The following PRSS54 variants were observed in gnomAD, a reference collection of about 807,000 sequenced individuals.
The protein encoded by PRSS54 is serine protease 54.
In PRSS54, 16 loss-of-function variants were observed where a neutral mutation model predicts 19.9. The observed-to-expected ratio is 0.80, with a 90% CI of 0.54 to 1.22. The LOEUF is 1.22. PRSS54 is among the 50% of genes most tolerant of loss of function. The pLI is 0.00. For missense variants in PRSS54, 444 were observed against 494.8 expected (o/e 0.90, Z 0.97); for synonymous variants, 177 against 195.8 (o/e 0.90, Z 0.80).
chr16:58,294,160 T>G lies in PRSS54; in HGVS notation c.-182A>C. ...AGTTGGGTCTCTGAAAAGGGCTGCTTTTTGACTCGTGGAATTCAACCCTTG... is the reference window on the plus strand; with the variant it reads ...AGTTGGGTCTCTGAAAAGGGCTGCTGTTTGACTCGTGGAATTCAACCCTTG... On this transcript the variant is annotated 5_prime_UTR_variant, in exon 2 of 7. Coordinates refer to ENST00000567164, the MANE Select transcript of PRSS54 (RefSeq NM_001305173.2). The G allele has an allele frequency of 3.7e-6, 1 of 273,234 alleles. No individual in the cohort carries two copies. Among genetic ancestry groups the G allele is most frequent in the South Asian group, 5.7e-5 (1 of 17,564 alleles). The allele number at this position is 273,234 out of a possible 1,614,324, so 16.9% of individuals were successfully genotyped here. A position where few individuals can be genotyped will look rare whatever the true frequency, so the allele number is the denominator to read the frequency against.
chr16:58,284,474 A>C, intron 6 of PRSS54, 116 bp downstream of exon 6: 2 of 1,210,316 alleles, frequency 1.7e-6, no homozygotes, highest in Non-Finnish European at 2.4e-6. Flanking sequence ...ACAGCCACTC[A>C]TCCCAAGCCC....
At chr16:58,290,056 G>A (rs114410328) in intron 4 of PRSS54, among the ~76,000 whole-genome samples, 15,331 of 144,914 alleles carry the variant, frequency 0.11, 866 homozygotes, top group Admixed American at 0.13. Context: ...TGTTACATAT[G>A]ATATTGTATA....
chr16:58,292,409 G>C (rs1049401034), intron 3 of PRSS54, among the ~76,000 whole-genome samples: 1 of 152,114 alleles, frequency 6.6e-6, no homozygotes, highest in Non-Finnish European at 1.5e-5. Context: ...GAGGGGTCAC[G>C]AATTCTGCCC....
chr16:58,294,005 G>C lies in PRSS54; in HGVS notation c.-27C>G, dbSNP rs926130047. ...CTGACCTGTCTTATCCCTAGTGCTTGGTTCTGTGTGGTAAAGAGGCAGGAC... is the reference window on the plus strand; with the variant it reads ...CTGACCTGTCTTATCCCTAGTGCTTCGTTCTGTGTGGTAAAGAGGCAGGAC... On this transcript the variant is annotated 5_prime_UTR_variant, in exon 2 of 7. Coordinates refer to ENST00000567164, the MANE Select transcript of PRSS54 (RefSeq NM_001305173.2). 9.9e-6 allele frequency: 6 copies of C among 604,474 alleles called. No individual in the cohort carries two copies. The highest frequency in any genetic ancestry group is 9.3e-5 in the African/African-American group (5 of 54,036). 37.4% of individuals were successfully genotyped at this position (604,474 alleles called of 1,614,324 possible).
In PRSS54 at chr16:58,280,563, C is replaced by T. The variant is rs370815317; in HGVS notation, c.849G>A (p.Lys283=). Residue 283 remains lysine (K), a synonymous_variant, in exon 7 of 7, where the codon AAG becomes AAA. Coordinates refer to ENST00000567164, the MANE Select transcript of PRSS54 (RefSeq NM_001305173.2). ...PPLSSLHHWE[K]LISFSHHGPN... ...GTCCATGGTGGGAGAAAGAAATCAA[C>T]TTTTCCCAGTGGTGGAGTGAGGACA... The T allele has an allele frequency of 1.2e-6, 2 of 1,614,172 alleles. No homozygotes were observed. Among genetic ancestry groups the T allele is most frequent in the African/African-American group, 1.3e-5 (1 of 75,042 alleles).
chr16:58,293,759 G>C lies in PRSS54; in HGVS notation c.58C>G (p.Leu20Val), dbSNP rs1283202973. 1 of 1,613,332 alleles carries C rather than the reference G, an allele frequency of 6.2e-7. No individual in the cohort carries two copies. Among genetic ancestry groups the C allele is most frequent in the Non-Finnish European group, 8.5e-7 (1 of 1,179,744 alleles). Reference protein sequence around the residue: ...DGKMRGVLLVLLGLLYSSTSC... With the variant: ...DGKMRGVLLVVLGLLYSSTSC... ...GTGGAAGAATAGAGAAGGCCGAGCAGCACCAGGAGCACCCCTCGCATCTTG... is the reference window on the plus strand; with the variant it reads ...GTGGAAGAATAGAGAAGGCCGAGCACCACCAGGAGCACCCCTCGCATCTTG... The change falls in exon 3 of 7, where the codon CTG becomes GTG. Residue 20 changes from leucine to valine, a missense_variant. Transcript: ENST00000567164.
Position 58,280,483 on chromosome 16 carries a change from C to G in PRSS54, c.929G>C (p.Gly310Ala). Residue 310 changes from glycine to alanine, a missense_variant, in exon 7 of 7, where the codon GGA becomes GCA. Transcript: ENST00000567164. ...TYSDSELGHV[G>A]SYLQGQRRTI... The stretch of plus-strand genomic sequence containing the variant: ...CCTTCTTTGTCCCTGCAAGTATGAT[C>G]CAACATGGCCCAGTTCAGAATCAGA... The G allele has an allele frequency of 6.2e-7, 1 of 1,614,194 alleles. No individual in the cohort carries two copies. The highest frequency in any genetic ancestry group is 8.5e-7 in the Non-Finnish European group (1 of 1,180,036).
chr16:58,291,057 C>T lies in PRSS54; in HGVS notation c.165G>A (p.Trp55Ter). 6.2e-7 allele frequency: 1 copy of T among 1,614,172 alleles called. No individual in the cohort carries two copies. The highest frequency in any genetic ancestry group is 8.5e-7 in the Non-Finnish European group (1 of 1,180,040). ...ACTGGGAGTCCTGCAGCGACACCACCCACGGGAACTCCATGCTGCTGACCA... is the reference window on the plus strand; with the variant it reads ...ACTGGGAGTCCTGCAGCGACACCACTCACGGGAACTCCATGCTGCTGACCA... ...EGLVSSMEFP[W>*]VVSLQDSQYT... The change falls in exon 4 of 7, where the codon TGG (tryptophan) becomes TGA (stop). Residue 55 changes from tryptophan to a stop codon, truncating the protein, a stop_gained. Coordinates refer to ENST00000567164, the MANE Select transcript of PRSS54 (RefSeq NM_001305173.2). LOFTEE classifies it high-confidence loss of function.
At chr16:58,280,934 G>T in intron 6 of PRSS54, 177 bp from the exon 7 acceptor site, 1 of 596,748 alleles carries the variant, frequency 1.7e-6, no homozygotes, top group Non-Finnish European at 2.9e-6. Context: ...ATTCCAACAA[G>T]ATGACTTTTC....
At chr16:58,294,597 CTCGAACTCCTGACCTCAGG>C (rs943064747) in intron 1 of PRSS54, among the ~76,000 whole-genome samples, 1 of 152,124 alleles carries the variant, frequency 6.6e-6, no homozygotes, top group African/African-American at 2.4e-5. Flanking sequence ...CCAGGCTGGT[CTCGAACTCCTGACCTCAGG>C]TGATCCACCC....
In PRSS54 at chr16:58,280,035, A is replaced by G; in HGVS notation, c.*189T>C. 1 of 645,870 alleles carries G rather than the reference A, an allele frequency of 1.5e-6. No homozygotes were observed. The highest frequency in any genetic ancestry group is 2.7e-5 in the East Asian group (1 of 36,582). 40.0% of individuals were successfully genotyped at this position (645,870 alleles called of 1,614,324 possible). On this transcript the variant is annotated 3_prime_UTR_variant, in exon 7 of 7. Coordinates refer to ENST00000567164, the MANE Select transcript of PRSS54 (RefSeq NM_001305173.2). ...GTTAGCCAGCATTTAGTTCACAAGCATAGTGAAAGTGACCTTCCCACACCT... is the reference window on the plus strand; with the variant it reads ...GTTAGCCAGCATTTAGTTCACAAGCGTAGTGAAAGTGACCTTCCCACACCT...
intron 4 of PRSS54, among the ~76,000 whole-genome samples, chr16:58,290,176 A>G (rs200069790): frequency 7.0e-5 from 10 of 143,732 alleles, no homozygotes; most frequent in Admixed American, 6.9e-4. Flanking sequence ...GTATATATAT[A>G]TTTATATGTA....
chr16:58,283,103 C>T (rs1964821981), intron 6 of PRSS54: 2 of 152,292 alleles, frequency 1.3e-5, no homozygotes, highest in Admixed American at 1.3e-4. Flanking sequence ...TTTCCCTTGA[C>T]ATTCAGCAAA....
chr16:58,284,054 T>C (rs1964851255), intron 6 of PRSS54, among the ~76,000 whole-genome samples: 1 of 152,184 alleles, frequency 6.6e-6, no homozygotes, highest in Non-Finnish European at 1.5e-5. Flanking sequence ...TTATTGACTG[T>C]GTGACCCTAG....
At position 58,293,590 on chromosome 16, in the gene PRSS54, G is replaced by A. The variant is rs1317357717; in HGVS notation, c.85+142C>T. ...TCTTTGCCTGGTTCCTGCCACCAAT[G>A]CAGGCCGCCCGGTGCAAAGTGCCGT... On this transcript the variant is annotated intron_variant, in intron 3 of 6. Transcript: ENST00000567164. The A allele has an allele frequency of 2.7e-6, 4 of 1,482,132 alleles. No homozygotes were observed. The African/African-American group carries it at 5.6e-5, about 21-fold the overall frequency. The allele number at this position is 1,482,132 out of a possible 1,614,324, so 91.8% of individuals were successfully genotyped here. A position where few individuals can be genotyped will look rare whatever the true frequency, so the allele number is the denominator to read the frequency against.
Position 58,291,131 on chromosome 16 carries a change from C to T in PRSS54, c.91G>A (p.Gly31Ser). 6.2e-7 allele frequency: 1 copy of T among 1,613,820 alleles called. No homozygotes were observed. Among genetic ancestry groups the T allele is most frequent in the Non-Finnish European group, 8.5e-7 (1 of 1,179,968 alleles). ...LGLLYSSTSC[G>S]VQKASVFYGP... ...TAGAAAACGGAAGCTTTCTGGACGC[C>T]ACAACCTGCGGAGCAGGTGCGGGGC... Residue 31 changes from glycine to serine, a missense_variant, in exon 4 of 7, where the codon GGC (glycine) becomes AGC (serine). Transcript: ENST00000567164.
chr16:58,289,163 G>A (rs1278476830), intron 4 of PRSS54, among the ~76,000 whole-genome samples: 1 of 149,898 alleles, frequency 6.7e-6, no homozygotes, highest in African/African-American at 2.4e-5. Flanking sequence ...AGGCACAGAG[G>A]GAAGGGCCAT....
chr16:58,293,059 G>T (rs1965070401), intron 3 of PRSS54, among the ~76,000 whole-genome samples: 1 of 151,894 alleles, frequency 6.6e-6, no homozygotes, highest in African/African-American at 2.4e-5. Context: ...GTGCAAGTGT[G>T]TGAGTGTGTG....
At chr16:58,293,880 A>G (rs1186923099) in intron 2 of PRSS54, 58 bp from the exon 3 acceptor site, 24 of 1,424,210 alleles carry the variant, frequency 1.7e-5, no homozygotes, top group East Asian at 2.4e-5. Context: ...AGGGTTTTCT[A>G]TGCCTCTTTT....
Sources: gnomAD v4.1 joint callset for allele counts (sites outside exome capture counted in the v4.1 genomes callset) on GRCh38, gnomAD v4.1.1 for gene constraint, MANE v1.5 for transcripts, NCBI Gene and HGNC (gene_info 2026-07-23, HGNC 2026-07-21) for gene names.